Variants in TBC1D32 observed in about 807,000 individuals in gnomAD.
TBC1D32 encodes TBC1 domain family member 32.
Under a neutral mutation model 170.3 loss-of-function variants are expected in TBC1D32, and 151 were observed. The observed-to-expected ratio is 0.89, with a 90% CI of 0.78 to 1.01. TBC1D32 has a LOEUF of 1.01. Ranked by LOEUF, TBC1D32 falls within the 50% of genes least tolerant of loss-of-function variation. The probability of loss-of-function intolerance (pLI) is 0.00; values close to 1 mark genes in which losing one functional copy is unlikely to be tolerated. For missense variants in TBC1D32, 1,464 were observed against 1,457.1 expected, an observed-to-expected ratio of 1.00 and a Z score of -0.08; for synonymous variants, 498 against 488.0, an observed-to-expected ratio of 1.02 and a Z score of -0.27.
At chr6:121,231,287 T>C (rs1403033398) in intron 20 of TBC1D32, among the ~76,000 whole-genome samples, 2 of 152,284 alleles carry the variant, frequency 1.3e-5, no homozygotes, top group South Asian at 2.1e-4. Context: ...TAGTATTCCA[T>C]GGTATACATA....
At chr6:121,331,125 T>C (rs1370298816) in intron 1 of TBC1D32, among the ~76,000 whole-genome samples, 1 of 152,254 alleles carries the variant, frequency 6.6e-6, no homozygotes, top group Non-Finnish European at 1.5e-5. Context: ...TTACATTAAC[T>C]GTCTTAAAAA....
intron 31 of TBC1D32, among the ~76,000 whole-genome samples, chr6:121,083,298 T>A (rs1775840484): frequency 6.6e-6 from 1 of 152,042 alleles, no homozygotes; most frequent in South Asian, 2.1e-4. Context: ...CTCAAGAAAT[T>A]TTTTTAATAG....
At chr6:121,134,361 C>T (rs932744582) in intron 24 of TBC1D32, among the ~76,000 whole-genome samples, 1 of 151,912 alleles carries the variant, frequency 6.6e-6, no homozygotes, top group African/African-American at 2.4e-5. Flanking sequence ...ATTCTCTCTC[C>T]TTTCACACTT....
intron 20 of TBC1D32, 148 bp from the exon 21 acceptor site, chr6:121,223,500 A>G (rs1461610761): frequency 7.7e-6 from 5 of 646,314 alleles, no homozygotes; most frequent in South Asian, 1.9e-5. Flanking sequence ...ATGTACATAT[A>G]TAAGTACAAA....
chr6:121,124,557 G>T (rs1389928956), intron 26 of TBC1D32, among the ~76,000 whole-genome samples: 1 of 151,800 alleles, frequency 6.6e-6, no homozygotes, highest in Non-Finnish European at 1.5e-5. Flanking sequence ...CTTGTATCTA[G>T]TCATCTGTAC....
chr6:121,222,168 A>G (rs1173646665), intron 21 of TBC1D32, among the ~76,000 whole-genome samples: 1 of 121,402 alleles, frequency 8.2e-6, no homozygotes, highest in Non-Finnish European at 1.7e-5. Flanking sequence ...TTGGCAACAA[A>G]GTATTTTTAA....
chr6:121,146,475 T>A (rs1783464023), intron 24 of TBC1D32, among the ~76,000 whole-genome samples: 1 of 152,174 alleles, frequency 6.6e-6, no homozygotes, highest in South Asian at 2.1e-4. Flanking sequence ...ACTGGCTATT[T>A]CTATATCATT....
chr6:121,197,598 T>C (rs1416058785), intron 22 of TBC1D32, among the ~76,000 whole-genome samples: 2 of 152,240 alleles, frequency 1.3e-5, no homozygotes, highest in Admixed American at 1.3e-4. Flanking sequence ...CATTTAAGTA[T>C]TGTTAACTTC....
chr6:121,297,947 A>C (rs1312847702), intron 10 of TBC1D32, among the ~76,000 whole-genome samples: 1 of 152,056 alleles, frequency 6.6e-6, no homozygotes, highest in Non-Finnish European at 1.5e-5. Context: ...ATCATGCTAA[A>C]CAGGCTGCTA....
intron 1 of TBC1D32, among the ~76,000 whole-genome samples, chr6:121,323,833 G>A (rs754292310): frequency 4.6e-5 from 7 of 152,060 alleles, no homozygotes; most frequent in Admixed American, 2.0e-4. Context: ...CCAGTTACTC[G>A]GGAGGCTGAG....
intron 15 of TBC1D32, among the ~76,000 whole-genome samples, chr6:121,259,018 C>G (rs920791675): frequency 4.6e-5 from 7 of 151,944 alleles, no homozygotes; most frequent in Admixed American, 3.3e-4. Flanking sequence ...GAAAAAAGAG[C>G]CAGGTGCAGT....
In TBC1D32 at chr6:121,216,539, G is replaced by C. The variant is rs139562582; in HGVS notation, c.2481+6697C>G. Among the ~76,000 whole-genome samples, 74 of 152,270 alleles carry C rather than the reference G, an allele frequency of 4.9e-4. No individual in the cohort carries two copies. In the East Asian group the frequency reaches 0.012, roughly 24 times the overall value. ...TTTCTGGAGGACTCTATTTCTAAAAGTATGGAGAACACTGATAGTCATTGG... is the reference window on the plus strand; with the variant it reads ...TTTCTGGAGGACTCTATTTCTAAAACTATGGAGAACACTGATAGTCATTGG... On this transcript the variant is annotated intron_variant, in intron 21 of 31. Transcript: ENST00000398212.
Position 121,142,735 on chromosome 6 carries a change from A to G in TBC1D32, c.2774-10983T>C, listed in dbSNP as rs796560555. 3.9e-4 allele frequency among the ~76,000 whole-genome samples: 59 copies of G among 152,308 alleles called. 1 individual carries two copies. The highest frequency in any genetic ancestry group is 1.4e-3 in the African/African-American group (58 of 41,576). Reference sequence around the variant, plus strand: ...ATTTCCCATACTCCTCTGAGAAAGAAGTCCTCATTCTGAGCATGCTGAAAT... The same window carrying G: ...ATTTCCCATACTCCTCTGAGAAAGAGGTCCTCATTCTGAGCATGCTGAAAT... On this transcript the variant is annotated intron_variant, in intron 24 of 31. Coordinates refer to ENST00000398212, the MANE Select transcript of TBC1D32 (RefSeq NM_152730.6).
intron 17 of TBC1D32, among the ~76,000 whole-genome samples, chr6:121,244,263 G>T (rs1371996801): frequency 6.6e-6 from 1 of 151,852 alleles, no homozygotes; most frequent in African/African-American, 2.4e-5. Flanking sequence ...CATTCAAGCA[G>T]AAATAGAAAA....
chr6:121,241,378 T>C, intron 19 of TBC1D32, 87 bp downstream of exon 19: 1 of 1,076,338 alleles, frequency 9.3e-7, no homozygotes. Flanking sequence ...AATATCCTGA[T>C]ACTTAATTGT....
intron 15 of TBC1D32, among the ~76,000 whole-genome samples, chr6:121,266,779 G>A (rs1003115564): frequency 6.6e-6 from 1 of 152,020 alleles, no homozygotes; most frequent in African/African-American, 2.4e-5. Flanking sequence ...GATGAAGCTG[G>A]AAACCATCAT....
chr6:121,267,393 C>T (rs1402962178), intron 15 of TBC1D32, among the ~76,000 whole-genome samples: 1 of 152,088 alleles, frequency 6.6e-6, no homozygotes, highest in African/African-American at 2.4e-5. Context: ...ACAGACGGTA[C>T]CTGGAAAATT....
intron 24 of TBC1D32, among the ~76,000 whole-genome samples, chr6:121,144,781 G>A (rs1234840383): frequency 6.6e-6 from 1 of 152,080 alleles, no homozygotes; most frequent in Non-Finnish European, 1.5e-5. Context: ...CAACAGTAAT[G>A]CAGCTAGAAA....
intron 22 of TBC1D32, among the ~76,000 whole-genome samples, chr6:121,178,672 C>G (rs1239106221): frequency 6.6e-6 from 1 of 152,056 alleles, no homozygotes; most frequent in African/African-American, 2.4e-5. Context: ...TGTCTCTAAC[C>G]AATGGAGTAT....
Sources: allele counts gnomAD v4.1 joint callset (sites outside exome capture counted in the v4.1 genomes callset), GRCh38; gene constraint gnomAD v4.1.1; transcripts MANE v1.5; gene names NCBI Gene and HGNC (gene_info 2026-07-23, HGNC 2026-07-21).